Variants in CEP70 observed in about 807,000 individuals in gnomAD.
CEP70 encodes centrosomal protein 70.
Under a neutral mutation model 90.9 loss-of-function variants are expected in CEP70, and 70 were observed. The ratio of observed to expected loss-of-function variants is 0.77; its 90% confidence interval spans 0.64 to 0.94. The LOEUF (loss-of-function observed/expected upper bound fraction) is 0.94, where lower values mean the gene tolerates loss of function less well. CEP70 is among the 40% of genes least tolerant of loss of function. CEP70 has a pLI of 0.00. For missense variants in CEP70, 648 were observed against 669.0 expected, an observed-to-expected ratio of 0.97 and a Z score of 0.35; for synonymous variants, 220 against 228.3, an observed-to-expected ratio of 0.96 and a Z score of 0.33.
Position 138,524,817 on chromosome 3 carries a change from A to G in CEP70, c.944+673T>C, listed in dbSNP as rs1172974529. 7.2e-5 allele frequency among the ~76,000 whole-genome samples: 11 copies of G among 152,240 alleles called. No homozygotes were observed. The South Asian group carries it at 1.2e-3, about 17-fold the overall frequency. On this transcript the variant is annotated intron_variant, in intron 11 of 17. Coordinates refer to ENST00000264982, the MANE Select transcript of CEP70 (RefSeq NM_024491.4). ...AGGAACACTTTTACACTGTTGGTGG[A>G]ACTGTAAACTAGTTCAACCATTGTG...
intron 10 of CEP70, among the ~76,000 whole-genome samples, chr3:138,527,465 C>T (rs940629668): frequency 6.6e-6 from 1 of 151,670 alleles, no homozygotes; most frequent in Non-Finnish European, 1.5e-5. Flanking sequence ...GAGGCCGAGG[C>T]GGGCGGATCA....
At chr3:138,542,087 C>T (rs2038812225) in intron 6 of CEP70, among the ~76,000 whole-genome samples, 1 of 152,216 alleles carries the variant, frequency 6.6e-6, no homozygotes, top group Non-Finnish European at 1.5e-5. Context: ...AGACCCCATG[C>T]CTGCTAAGGG....
At chr3:138,516,562 T>C (rs2108761549) in intron 11 of CEP70, among the ~76,000 whole-genome samples, 1 of 152,254 alleles carries the variant, frequency 6.6e-6, no homozygotes, top group South Asian at 2.1e-4. Context: ...ATTTTTAAAT[T>C]CTTTGTAGAG....
At chr3:138,560,118 C>A (rs930420728) in intron 6 of CEP70, among the ~76,000 whole-genome samples, 2 of 152,178 alleles carry the variant, frequency 1.3e-5, no homozygotes, top group African/African-American at 4.8e-5. Flanking sequence ...CCAGCGAGAT[C>A]GATGCAGAAG....
At chr3:138,536,728 T>C (rs1325580227) in intron 7 of CEP70, among the ~76,000 whole-genome samples, 1 of 151,438 alleles carries the variant, frequency 6.6e-6, no homozygotes, top group Non-Finnish European at 1.5e-5. Context: ...AAAAATACTA[T>C]CTTAACTTCA....
intron 6 of CEP70, among the ~76,000 whole-genome samples, chr3:138,555,179 G>C (rs891458632): frequency 2.0e-5 from 3 of 150,792 alleles, no homozygotes; most frequent in African/African-American, 7.3e-5. Flanking sequence ...TACCCAGTAG[G>C]GGGAGGTTGC....
intron 8 of CEP70, among the ~76,000 whole-genome samples, chr3:138,530,250 T>C (rs1041328180): frequency 1.3e-5 from 2 of 152,214 alleles, no homozygotes; most frequent in Non-Finnish European, 2.9e-5. Flanking sequence ...CATTAAATCT[T>C]AAATTTAAAA....
rs1468676478 is a variant in CEP70, at chr3:138,524,209, T to C, written c.944+1281A>G. Among the ~76,000 whole-genome samples the C allele has an allele frequency of 2.0e-5, 3 of 151,708 alleles. No homozygotes were observed. The East Asian group carries it at 5.8e-4, about 29-fold the overall frequency. On this transcript the variant is annotated intron_variant, in intron 11 of 17. Coordinates refer to ENST00000264982, the MANE Select transcript of CEP70 (RefSeq NM_024491.4). Reference sequence around the variant, plus strand: ...GAAACTGGATTCCTTCCTTACACCTTATACAAAAATTAATTCAAGATGGAT... The same window carrying C: ...GAAACTGGATTCCTTCCTTACACCTCATACAAAAATTAATTCAAGATGGAT...
chr3:138,558,012 T>C (rs1270767088), intron 6 of CEP70, among the ~76,000 whole-genome samples: 3 of 152,152 alleles, frequency 2.0e-5, no homozygotes, highest in Non-Finnish European at 4.4e-5. Context: ...AAAAAATTTT[T>C]AAATCTGTTT....
chr3:138,547,251 C>A (rs138742721), intron 6 of CEP70, among the ~76,000 whole-genome samples: 1 of 152,280 alleles, frequency 6.6e-6, no homozygotes, highest in African/African-American at 2.4e-5. Context: ...GATAGAAAAG[C>A]AATACAGTAG....
intron 11 of CEP70, among the ~76,000 whole-genome samples, chr3:138,512,495 T>G (rs1395491152): frequency 6.6e-6 from 1 of 152,172 alleles, no homozygotes; most frequent in Admixed American, 6.5e-5. Context: ...TGGACTGTAC[T>G]CAGAAATACG....
chr3:138,506,546 A>G (rs2035006227), intron 12 of CEP70, among the ~76,000 whole-genome samples: 1 of 152,150 alleles, frequency 6.6e-6, no homozygotes, highest in Admixed American at 6.5e-5. Flanking sequence ...AGTTCAGCCT[A>G]TTTAATAAAA....
intron 6 of CEP70, among the ~76,000 whole-genome samples, chr3:138,541,472 A>C (rs1239348139): frequency 6.6e-6 from 1 of 152,128 alleles, no homozygotes; most frequent in African/African-American, 2.4e-5. Context: ...TTCTCAGCAA[A>C]GCTATCTTTG....
chr3:138,499,396 A>T (rs936817077), intron 16 of CEP70, among the ~76,000 whole-genome samples: 12 of 152,204 alleles, frequency 7.9e-5, no homozygotes, highest in Non-Finnish European at 1.5e-4. Context: ...ATATACTATT[A>T]ATGATTATTC....
At chr3:138,568,990 C>CA (rs199500528) in intron 6 of CEP70, among the ~76,000 whole-genome samples, 114 of 110,554 alleles carry the variant, frequency 1.0e-3, no homozygotes, top group African/African-American at 2.7e-3. Flanking sequence ...TCTAAAAAAA[C>CA]AAACAAAAAA....
At position 138,556,311 on chromosome 3, in the gene CEP70, T is replaced by C. The variant is rs2040000776; in HGVS notation, c.465+14007A>G. 1.3e-5 allele frequency among the ~76,000 whole-genome samples: 2 copies of C among 151,992 alleles called. 1 individual carries two copies. Among genetic ancestry groups the C allele is most frequent in the Non-Finnish European group, 2.9e-5 (2 of 67,974 alleles). On this transcript the variant is annotated intron_variant, in intron 6 of 17. Coordinates refer to ENST00000264982, the MANE Select transcript of CEP70 (RefSeq NM_024491.4). Reference sequence around the variant, plus strand: ...TTCGGAGGCTAAGGTGGGTGGATCATGAGGTCAGGAGATCAAGACCATCCT... The same window carrying C: ...TTCGGAGGCTAAGGTGGGTGGATCACGAGGTCAGGAGATCAAGACCATCCT...
intron 7 of CEP70, among the ~76,000 whole-genome samples, chr3:138,533,830 G>A (rs1373263569): frequency 1.3e-5 from 2 of 152,018 alleles, no homozygotes; most frequent in Non-Finnish European, 2.9e-5. Context: ...TGTCGCCCAG[G>A]CTGGAGTGCA....
At chr3:138,582,669 C>G (rs914341333) in intron 2 of CEP70, among the ~76,000 whole-genome samples, 2 of 151,750 alleles carry the variant, frequency 1.3e-5, no homozygotes, top group African/African-American at 4.8e-5. Flanking sequence ...GAGGCTGAGG[C>G]AGGAGAATCA....
chr3:138,567,538 A>G (rs2040875368), intron 6 of CEP70, among the ~76,000 whole-genome samples: 1 of 152,234 alleles, frequency 6.6e-6, no homozygotes, highest in Admixed American at 6.5e-5. Flanking sequence ...ATAGAAATTT[A>G]TCCAGTGACA....
Sources: gnomAD v4.1 joint callset for allele counts (sites outside exome capture counted in the v4.1 genomes callset) on GRCh38, gnomAD v4.1.1 for gene constraint, MANE v1.5 for transcripts, NCBI Gene and HGNC (gene_info 2026-07-23, HGNC 2026-07-21) for gene names.